The following ATOSB variants were observed in gnomAD, a reference collection of about 807,000 sequenced individuals.
ATOSB encodes the protein atos homolog protein B.
chr9:35,105,384 G>GA, the ATOSB span: 1 of 1,603,076 alleles, frequency 6.2e-7, no homozygotes, highest in Non-Finnish European at 8.5e-7. The surrounding 1 kb of genome is among the most constrained non-coding windows in gnomAD (Gnocchi z 5.5). Flanking sequence ...CCTGGAGGAG[G>GA]ACAATGTGAT....
chr9:35,108,164 G>T, the ATOSB span: 1 of 1,592,458 alleles, frequency 6.3e-7, no homozygotes, highest in Non-Finnish European at 8.5e-7. Flanking sequence ...CCCCTGCTGG[G>T]CTGTAGCCCA....
the ATOSB span, chr9:35,105,439 TC>T: frequency 4.5e-6 from 7 of 1,545,966 alleles, no homozygotes; most frequent in Non-Finnish European, 6.1e-6. This position sits in a 1 kb window ranked among gnomAD's most constrained non-coding sequence, Gnocchi z 5.5. Context: ...TGCCTGTAAT[TC>T]CAGTGCTTTG....
chr9:35,107,617 C>T, the ATOSB span: 9 of 1,594,334 alleles, frequency 5.6e-6, no homozygotes, highest in Middle Eastern at 1.7e-4. Context: ...TGCCCATTGG[C>T]AGTGCCAGGG....
At chr9:35,106,004 G>A in the ATOSB span, 77 of 1,613,426 alleles carry the variant, frequency 4.8e-5, no homozygotes, top group South Asian at 3.5e-4. The surrounding 1 kb of genome is among the most constrained non-coding windows in gnomAD (Gnocchi z 4.6). Context: ...TCAGATCCAC[G>A]ATGCCCTGGA....
chr9:35,113,777 C>G, the ATOSB span, among the ~76,000 whole-genome samples: 2 of 152,080 alleles, frequency 1.3e-5, no homozygotes, highest in Non-Finnish European at 2.9e-5. Context: ...ATTTCTTTCT[C>G]CCCTTAATAG....
At chr9:35,105,153 A>G in the ATOSB span, 10 of 1,512,882 alleles carry the variant, frequency 6.6e-6, no homozygotes, top group Admixed American at 2.0e-4. The surrounding 1 kb of genome is among the most constrained non-coding windows in gnomAD (Gnocchi z 5.5). Context: ...CTGTCTCTCC[A>G]TATATGTTCT....
the ATOSB span, chr9:35,108,273 A>C: frequency 6.5e-7 from 1 of 1,544,152 alleles, no homozygotes; most frequent in Non-Finnish European, 8.7e-7. Context: ...CACGTGGCGC[A>C]TGAAGCCCCC....
At chr9:35,106,058 G>A in the ATOSB span, 10 of 1,579,766 alleles carry the variant, frequency 6.3e-6, no homozygotes, top group Admixed American at 1.8e-4. This position sits in a 1 kb window ranked among gnomAD's most constrained non-coding sequence, Gnocchi z 4.6. Flanking sequence ...GGAAAACCCT[G>A]GGCCCTAAAC....
At chr9:35,108,345 G>A in the ATOSB span, 6 of 1,462,742 alleles carry the variant, frequency 4.1e-6, no homozygotes, top group South Asian at 1.4e-5. Flanking sequence ...GGGGCCTGGG[G>A]ACATCTGTGT....
At chr9:35,113,606 AGAGT>A in the ATOSB span, among the ~76,000 whole-genome samples, 2 of 151,348 alleles carry the variant, frequency 1.3e-5, no homozygotes, top group South Asian at 2.1e-4. Context: ...CCTGGGTGAC[AGAGT>A]GAGTGAGACT....
At chr9:35,107,937 A>G in the ATOSB span, 1 of 1,603,774 alleles carries the variant, frequency 6.2e-7, no homozygotes, top group Non-Finnish European at 8.5e-7. Flanking sequence ...CTGGCTGGCC[A>G]CACCTAGTCC....
At chr9:35,113,674 A>T in the ATOSB span, among the ~76,000 whole-genome samples, 6 of 137,696 alleles carry the variant, frequency 4.4e-5, no homozygotes, top group Non-Finnish European at 9.2e-5. Flanking sequence ...ATAAATAAAT[A>T]AAGAGGCCTT....
the ATOSB span, among the ~76,000 whole-genome samples, chr9:35,113,493 G>A: frequency 2.6e-5 from 4 of 152,052 alleles, no homozygotes; most frequent in African/African-American, 7.2e-5. Context: ...GTGTGGTGGC[G>A]CGCACCTGTA....
the ATOSB span, among the ~76,000 whole-genome samples, chr9:35,115,026 C>A: frequency 6.6e-6 from 1 of 150,680 alleles, no homozygotes; most frequent in Non-Finnish European, 1.5e-5. Flanking sequence ...ATGAGCACAC[C>A]CAGAGCATAA....
the ATOSB span, chr9:35,105,361 G>C: frequency 6.2e-7 from 1 of 1,611,786 alleles, no homozygotes; most frequent in Non-Finnish European, 8.5e-7. This position sits in a 1 kb window ranked among gnomAD's most constrained non-coding sequence, Gnocchi z 5.5. Flanking sequence ...CGGCCTGAGC[G>C]GGAGCTCCGG....
At chr9:35,114,864 G>A in the ATOSB span, among the ~76,000 whole-genome samples, 7 of 152,168 alleles carry the variant, frequency 4.6e-5, no homozygotes, top group African/African-American at 1.2e-4. Context: ...GGATCTATGC[G>A]AGAGACCTGG....
At chr9:35,104,378 C>A in the ATOSB span, 1 of 159,960 alleles carries the variant, frequency 6.3e-6, no homozygotes, top group African/African-American at 2.4e-5. Context: ...GGGTCAGAGT[C>A]TGGCCAGGTG....
At chr9:35,105,661 A>G in the ATOSB span, 28 of 1,609,828 alleles carry the variant, frequency 1.7e-5, no homozygotes, top group Non-Finnish European at 2.0e-5. The surrounding 1 kb of genome is among the most constrained non-coding windows in gnomAD (Gnocchi z 5.5). Flanking sequence ...CTCCCCAGCC[A>G]TCCCTGGGCC....
chr9:35,105,216 G>T, the ATOSB span: 1 of 1,608,854 alleles, frequency 6.2e-7, no homozygotes, highest in Non-Finnish European at 8.5e-7. This position sits in a 1 kb window ranked among gnomAD's most constrained non-coding sequence, Gnocchi z 5.5. Context: ...TCAGAGTGCT[G>T]GCAATCAGGG....
Sources: gnomAD v4.1 joint callset for allele counts (sites outside exome capture counted in the v4.1 genomes callset) on GRCh38, gnomAD v4.1.1 for gene constraint, Gnocchi (gnomAD v3.1) non-coding constraint, MANE v1.5 for transcripts, NCBI Gene and HGNC (gene_info 2026-07-23, HGNC 2026-07-21) for gene names.